Variants in SAMSN1 observed in about 807,000 individuals in gnomAD.
The protein encoded by SAMSN1 is SAM domain-containing protein SAMSN-1.
Under a neutral mutation model 42.0 loss-of-function variants are expected in SAMSN1, and 31 were observed. That is an observed-to-expected ratio of 0.74 (90% CI 0.55 to 1.00). The LOEUF (loss-of-function observed/expected upper bound fraction) is 1.00, where lower values mean the gene tolerates loss of function less well. Among genes scored for constraint, SAMSN1 ranks in the 50% least tolerant of loss-of-function variants. SAMSN1 has a pLI of 0.00. For synonymous variants in SAMSN1, 178 were observed against 151.9 expected, an observed-to-expected ratio of 1.17 and a Z score of -1.26; for missense variants, 464 against 439.4, an observed-to-expected ratio of 1.06 and a Z score of -0.50.
intron 2 of SAMSN1, among the ~76,000 whole-genome samples, chr21:14,555,522 T>C (rs2123186619): frequency 6.6e-6 from 1 of 152,292 alleles, no homozygotes; most frequent in African/African-American, 2.4e-5. Flanking sequence ...CTTAAAGTTT[T>C]CAGATTGGCA....
intron 2 of SAMSN1, among the ~76,000 whole-genome samples, chr21:14,578,863 T>C (rs1981600123): frequency 2.6e-5 from 4 of 152,076 alleles, no homozygotes; most frequent in Admixed American, 1.3e-4. Flanking sequence ...AATCACACTC[T>C]TACCCTTTTA....
At chr21:14,625,301 T>C (rs1281723982) in intron 2 of SAMSN1, among the ~76,000 whole-genome samples, 2 of 152,008 alleles carry the variant, frequency 1.3e-5, no homozygotes, top group African/African-American at 4.8e-5. Flanking sequence ...GAGAAAGAAA[T>C]ACAGGGTATT....
At chr21:14,647,642 T>C in intron 1 of SAMSN1, among the ~76,000 whole-genome samples, 1 of 138,378 alleles carries the variant, frequency 7.2e-6, no homozygotes, top group African/African-American at 2.6e-5. Context: ...TCCATTTGTT[T>C]GTGTCCTCTT....
intron 1 of SAMSN1, among the ~76,000 whole-genome samples, chr21:14,643,354 C>A (rs183124877): frequency 1.3e-5 from 2 of 152,148 alleles, no homozygotes; most frequent in Non-Finnish European, 2.9e-5. Flanking sequence ...TATTACAGAG[C>A]CAAGAATTTA....
chr21:14,632,187 T>C (rs1335741814), intron 2 of SAMSN1, among the ~76,000 whole-genome samples: 2 of 151,976 alleles, frequency 1.3e-5, no homozygotes, highest in Non-Finnish European at 2.9e-5. Flanking sequence ...ATTTGGCCAC[T>C]TCCTAACTGT....
At chr21:14,582,207 G>C (rs2822785) in exon 2 of SAMSN1, 2 of 1,550,438 alleles carry the variant, frequency 1.3e-6, no homozygotes, top group Non-Finnish European at 1.7e-6. Flanking sequence ...GAGGAGCAGT[G>C]GTCCCAGGGT....
chr21:14,513,194 A>G (rs1987764260), intron 3 of SAMSN1, among the ~76,000 whole-genome samples: 1 of 152,238 alleles, frequency 6.6e-6, no homozygotes, highest in Non-Finnish European at 1.5e-5. Flanking sequence ...TCTTGAAAAC[A>G]TCTCCAATGT....
chr21:14,618,768 T>C (rs1440544241), intron 2 of SAMSN1, among the ~76,000 whole-genome samples: 1 of 151,764 alleles, frequency 6.6e-6, no homozygotes, highest in Non-Finnish European at 1.5e-5. Flanking sequence ...CTTTGGAGAG[T>C]TATTTCAGTG....
At chr21:14,557,807 G>A (rs1980812412) in intron 2 of SAMSN1, among the ~76,000 whole-genome samples, 1 of 152,128 alleles carries the variant, frequency 6.6e-6, no homozygotes, top group South Asian at 2.1e-4. Flanking sequence ...CTCTGCACTT[G>A]GACTACCAGT....
At chr21:14,586,146 C>T (rs140268808), upstream of SAMSN1, among the ~76,000 whole-genome samples, 5,165 of 150,814 alleles carry the variant, frequency 0.034, 297 homozygotes, top group African/African-American at 0.12. Flanking sequence ...ACCTGTGATC[C>T]CAGCTACTTG....
chr21:14,628,936 AT>A (rs1983250998), intron 2 of SAMSN1, among the ~76,000 whole-genome samples: 1 of 152,206 alleles, frequency 6.6e-6, no homozygotes, highest in Non-Finnish European at 1.5e-5. Flanking sequence ...AAATTTATAG[AT>A]GGGTAAACAG....
At chr21:14,538,697 G>A (rs1201627950) in intron 1 of SAMSN1, among the ~76,000 whole-genome samples, 1 of 152,152 alleles carries the variant, frequency 6.6e-6, no homozygotes, top group Admixed American at 6.5e-5. Context: ...AGCAGGCAGT[G>A]CAGTGAAAAC....
chr21:14,592,942 G>C (rs1982133794), intron 7 of SAMSN1, among the ~76,000 whole-genome samples: 1 of 152,004 alleles, frequency 6.6e-6, no homozygotes, highest in Non-Finnish European at 1.5e-5. Context: ...ACAGCTTTTT[G>C]ATATTTAACT....
intron 1 of SAMSN1, among the ~76,000 whole-genome samples, chr21:14,530,470 TC>T (rs1440569548): frequency 2.0e-5 from 3 of 152,190 alleles, no homozygotes; most frequent in Non-Finnish European, 4.4e-5. Flanking sequence ...AATATAATTC[TC>T]TCCCAAACTT....
At chr21:14,580,945 G>T (rs8131857) in intron 2 of SAMSN1, among the ~76,000 whole-genome samples, 63,559 of 151,518 alleles carry the variant, frequency 0.42, 13,646 homozygotes, top group African/African-American at 0.52. Context: ...CAATTTACAA[G>T]GAAATTGAAA....
chr21:14,609,734 C>T (rs983795723), intron 4 of SAMSN1, among the ~76,000 whole-genome samples: 18 of 152,264 alleles, frequency 1.2e-4, no homozygotes, highest in East Asian at 3.9e-4. Context: ...GGACCCCGAA[C>T]GGAGGGACCG....
At chr21:14,521,724 G>A (rs1978496811) in intron 1 of SAMSN1, among the ~76,000 whole-genome samples, 1 of 152,106 alleles carries the variant, frequency 6.6e-6, no homozygotes, top group South Asian at 2.1e-4. Context: ...GGAGGGCAGG[G>A]AGACGGAGAG....
At chr21:14,504,092 G>T (rs1345915509) in intron 5 of SAMSN1, among the ~76,000 whole-genome samples, 1 of 152,118 alleles carries the variant, frequency 6.6e-6, no homozygotes, top group Non-Finnish European at 1.5e-5. Context: ...TGGGACAAAA[G>T]AATCTGAACA....
At chr21:14,564,346 AAAAATGAGC>A (rs1981042281) in intron 2 of SAMSN1, among the ~76,000 whole-genome samples, 1 of 152,206 alleles carries the variant, frequency 6.6e-6, no homozygotes, top group African/African-American at 2.4e-5. Flanking sequence ...TTGGAAGAGA[AAAAATGAGC>A]AAAATGAGCA....
Sources: gnomAD v4.1 joint callset for allele counts (sites outside exome capture counted in the v4.1 genomes callset) on GRCh38, gnomAD v4.1.1 for gene constraint, MANE v1.5 for transcripts, NCBI Gene and HGNC (gene_info 2026-07-23, HGNC 2026-07-21) for gene names.